Variants in MIPOL1 observed in about 807,000 individuals in gnomAD.
MIPOL1 encodes the protein mirror-image polydactyly gene 1 protein.
A neutral mutation model predicts 60.9 loss-of-function variants in MIPOL1; 57 were observed. That is an observed-to-expected ratio of 0.94 (90% confidence interval 0.76 to 1.17). MIPOL1 has a LOEUF of 1.17. Ranked by LOEUF, MIPOL1 falls within the 50% of genes most tolerant of loss-of-function variation. The pLI, the probability that MIPOL1 is intolerant of heterozygous loss-of-function variation, is 0.00. For synonymous variants in MIPOL1, 179 were observed against 168.8 expected (o/e 1.06, Z -0.47); for missense variants, 551 against 511.6 (o/e 1.08, Z -0.74).
chr14:37,400,858 A>G (rs1294119891), intron 10 of MIPOL1: 2 of 152,178 alleles, frequency 1.3e-5, no homozygotes, highest in Non-Finnish European at 2.9e-5. Flanking sequence ...AACCCATACC[A>G]TCTGATATGA....
intron 10 of MIPOL1, among the ~76,000 whole-genome samples, chr14:37,376,525 T>G (rs2092781011): frequency 6.6e-6 from 1 of 152,078 alleles, no homozygotes; most frequent in Non-Finnish European, 1.5e-5. Context: ...AATATAGGGC[T>G]TTTTTCTCTC....
At chr14:37,501,187 G>A (rs1047482976) in intron 12 of MIPOL1, among the ~76,000 whole-genome samples, 2 of 152,036 alleles carry the variant, frequency 1.3e-5, no homozygotes, top group African/African-American at 4.8e-5. Context: ...GATTTATGTA[G>A]GTATTATATA....
intron 1 of MIPOL1, among the ~76,000 whole-genome samples, chr14:37,211,468 A>G (rs1006046299): frequency 2.0e-5 from 3 of 152,118 alleles, no homozygotes; most frequent in Non-Finnish European, 4.4e-5. Context: ...TAGGGCAGAA[A>G]GGAAAAGCAG....
intron 11 of MIPOL1, among the ~76,000 whole-genome samples, chr14:37,487,954 T>C (rs548299585): frequency 3.3e-5 from 5 of 152,242 alleles, no homozygotes; most frequent in African/African-American, 4.8e-5. Flanking sequence ...TTTCCTGCTT[T>C]CTCTTGTGGG....
chr14:37,431,256 G>A (rs1300435553), intron 11 of MIPOL1, among the ~76,000 whole-genome samples: 1 of 152,122 alleles, frequency 6.6e-6, no homozygotes, highest in East Asian at 1.9e-4. Flanking sequence ...TCCTACATAG[G>A]TAATCTTTGA....
At chr14:37,539,461 A>G (rs1244559663) in intron 12 of MIPOL1, among the ~76,000 whole-genome samples, 2 of 152,102 alleles carry the variant, frequency 1.3e-5, no homozygotes, top group Non-Finnish European at 2.9e-5. Flanking sequence ...ATAGAAGTAA[A>G]TTCCCAGATT....
chr14:37,394,084 A>ATATATATATATATATATATCTC (rs1491106712), intron 10 of MIPOL1, among the ~76,000 whole-genome samples: 1 of 134,674 alleles, frequency 7.4e-6, no homozygotes, highest in Non-Finnish European at 1.6e-5. Flanking sequence ...ATATATATAT[A>ATATATATATATATATATATCTC]TCTCCATGTT....
intron 11 of MIPOL1, among the ~76,000 whole-genome samples, chr14:37,465,431 C>G (rs1282632878): frequency 6.6e-6 from 1 of 152,084 alleles, no homozygotes; most frequent in African/African-American, 2.4e-5. Context: ...ATAAATATTC[C>G]TTTCAGACCA....
intron 11 of MIPOL1, among the ~76,000 whole-genome samples, chr14:37,459,930 C>A (rs1394536865): frequency 6.6e-6 from 1 of 151,882 alleles, no homozygotes; most frequent in Non-Finnish European, 1.5e-5. Context: ...CAAAAATTAG[C>A]CGGGCATGGT....
intron 1 of MIPOL1, among the ~76,000 whole-genome samples, chr14:37,218,204 A>G (rs1275680664): frequency 6.6e-6 from 1 of 151,968 alleles, no homozygotes; most frequent in Non-Finnish European, 1.5e-5. Context: ...TTTTTGAGAC[A>G]AAGTCTCACT....
chr14:37,373,387 G>A (rs2153501459), intron 10 of MIPOL1, among the ~76,000 whole-genome samples: 1 of 151,920 alleles, frequency 6.6e-6, no homozygotes, highest in Admixed American at 6.6e-5. Flanking sequence ...CATATATATT[G>A]CCTTTCTATC....
chr14:37,341,223 G>T (rs2090549904), intron 9 of MIPOL1, among the ~76,000 whole-genome samples: 1 of 152,166 alleles, frequency 6.6e-6, no homozygotes. Flanking sequence ...CATGCTATTG[G>T]AAAAATGGCA....
At chr14:37,537,098 A>T (rs2095509523) in intron 12 of MIPOL1, among the ~76,000 whole-genome samples, 1 of 152,288 alleles carries the variant, frequency 6.6e-6, no homozygotes, top group South Asian at 2.1e-4. Flanking sequence ...TACTGATGAA[A>T]ATTCTCAAAT....
chr14:37,469,918 C>G (rs1484515406), intron 11 of MIPOL1, among the ~76,000 whole-genome samples: 1 of 152,112 alleles, frequency 6.6e-6, no homozygotes, highest in Non-Finnish European at 1.5e-5. Flanking sequence ...ACTACCCAGT[C>G]TGTAGTTTTC....
intron 11 of MIPOL1, among the ~76,000 whole-genome samples, chr14:37,432,528 T>A (rs1431525204): frequency 6.6e-6 from 1 of 152,188 alleles, no homozygotes; most frequent in African/African-American, 2.4e-5. Context: ...GTCCAGCATG[T>A]AGGTTAGTTA....
chr14:37,337,869 A>C (rs1294677356), intron 9 of MIPOL1, among the ~76,000 whole-genome samples: 3 of 152,168 alleles, frequency 2.0e-5, no homozygotes, highest in Admixed American at 6.5e-5. Context: ...TATGCAGCAC[A>C]GAAGTTTTTT....
intron 11 of MIPOL1, among the ~76,000 whole-genome samples, chr14:37,497,055 A>G (rs1025718152): frequency 1.3e-5 from 2 of 152,038 alleles, no homozygotes; most frequent in African/African-American, 2.4e-5. Context: ...AGGATTCCCT[A>G]TTTAATAAAT....
intron 11 of MIPOL1, among the ~76,000 whole-genome samples, chr14:37,455,154 G>A (rs566074659): frequency 5.8e-4 from 88 of 152,284 alleles, no homozygotes; most frequent in Non-Finnish European, 1.1e-3. Context: ...AAAATGGAAG[G>A]CAGCAATGTC....
At chr14:37,403,075 A>G (rs1191128011) in intron 10 of MIPOL1, among the ~76,000 whole-genome samples, 3 of 152,200 alleles carry the variant, frequency 2.0e-5, no homozygotes, top group South Asian at 2.1e-4. Flanking sequence ...AGGGCTTCCC[A>G]ATATCAGGGT....
Sources: gnomAD v4.1 joint callset for allele counts (sites outside exome capture counted in the v4.1 genomes callset) on GRCh38, gnomAD v4.1.1 for gene constraint, MANE v1.5 for transcripts, NCBI Gene and HGNC (gene_info 2026-07-23, HGNC 2026-07-21) for gene names.